The following GPC6 variants were observed in gnomAD, a reference collection of about 807,000 sequenced individuals.
GPC6 encodes the protein glypican 6, also known as glypican-6.
In GPC6, 14 loss-of-function variants were observed where a neutral mutation model predicts 55.2. That is an observed-to-expected ratio of 0.25 (90% CI 0.17 to 0.40). The LOEUF (loss-of-function observed/expected upper bound fraction) is 0.40, where lower values mean the gene tolerates loss of function less well. GPC6 is among the 10% of genes least tolerant of loss of function. GPC6 has a pLI of 1.00. For missense variants in GPC6, 641 were observed against 708.5 expected (o/e 0.90, Z 1.08); for synonymous variants, 278 against 259.6 (o/e 1.07, Z -0.68).
chr13:93,633,949 C>T (rs1594328741), intron 2 of GPC6, among the ~76,000 whole-genome samples: 2 of 151,988 alleles, frequency 1.3e-5, no homozygotes. Flanking sequence ...CATATGTTTC[C>T]CACTGCTTTC....
intron 3 of GPC6, among the ~76,000 whole-genome samples, chr13:93,868,425 A>T (rs931791268): frequency 2.6e-5 from 4 of 151,884 alleles, no homozygotes; most frequent in African/African-American, 9.7e-5. Context: ...GATACAGAAT[A>T]AAATTATAAA....
intron 4 of GPC6, among the ~76,000 whole-genome samples, chr13:94,226,522 A>G (rs1481906224): frequency 2.6e-5 from 4 of 152,174 alleles, no homozygotes; most frequent in African/African-American, 9.7e-5. Context: ...CATGTATTAA[A>G]ACATTACACT....
At chr13:93,534,338 A>G (rs1881973234) in intron 1 of GPC6, among the ~76,000 whole-genome samples, 1 of 152,182 alleles carries the variant, frequency 6.6e-6, no homozygotes, top group South Asian at 2.1e-4. Context: ...GCTCTATAAA[A>G]GCCAAAAGTT....
rs538694732 is a variant in GPC6, at chr13:94,311,449, G to C, written c.1152+5326G>C. 3.3e-5 allele frequency among the ~76,000 whole-genome samples: 5 copies of C among 152,232 alleles called. No homozygotes were observed. The South Asian group carries it at 6.2e-4, about 19-fold the overall frequency. ...CTCCCAAAGTGCTGGGATTACAGGCGAGAGCCACTGTGTCCAGCCCTGATA... is the reference window on the plus strand; with the variant it reads ...CTCCCAAAGTGCTGGGATTACAGGCCAGAGCCACTGTGTCCAGCCCTGATA... On this transcript the variant is annotated intron_variant, in intron 6 of 8. Transcript: ENST00000377047.
chr13:93,805,256 T>C (rs1048663875), intron 2 of GPC6, among the ~76,000 whole-genome samples: 1 of 152,174 alleles, frequency 6.6e-6, no homozygotes, highest in Non-Finnish European at 1.5e-5. Context: ...TCTATACTTA[T>C]AGTTATCAAT....
chr13:93,710,932 A>G (rs561006523), intron 2 of GPC6, among the ~76,000 whole-genome samples: 105 of 151,926 alleles, frequency 6.9e-4, no homozygotes, highest in South Asian at 6.0e-3. Flanking sequence ...CATATACTCA[A>G]TGTTAAAAAT....
intron 1 of GPC6, among the ~76,000 whole-genome samples, chr13:93,381,658 C>T (rs939343049): frequency 6.6e-6 from 1 of 152,106 alleles, no homozygotes; most frequent in Non-Finnish European, 1.5e-5. Context: ...TCATAAATCA[C>T]CTAGCTCAAT....
chr13:93,494,745 C>T (rs1047457634), intron 1 of GPC6, among the ~76,000 whole-genome samples: 1 of 151,202 alleles, frequency 6.6e-6, no homozygotes, highest in African/African-American at 2.4e-5. Context: ...TCAGCATTTG[C>T]TTGTGTGTAA....
In GPC6 at chr13:93,314,754, T is replaced by TGTGCGC. The variant is rs1555290022; in HGVS notation, c.160+87142_160+87143insGCGTGC. Among the ~76,000 whole-genome samples, 15 of 149,394 alleles carry TGTGCGC rather than the reference T, an allele frequency of 1.0e-4. 1 individual carries two copies. In the South Asian group the frequency reaches 1.3e-3, roughly 13 times the overall value. Reference sequence around the variant, plus strand: ...GTGTGTGTGTGTGTGTGTGTGTGTGTGTGCACGCATGTGCTGAGAAATGAG... The same window carrying TGTGCGC: ...GTGTGTGTGTGTGTGTGTGTGTGTGTGTGCGCGTGCACGCATGTGCTGAGAAATGAG... On this transcript the variant is annotated intron_variant, in intron 1 of 8. Coordinates refer to ENST00000377047, the MANE Select transcript of GPC6 (RefSeq NM_005708.5).
At chr13:94,329,971 C>T (rs186512142) in intron 6 of GPC6, among the ~76,000 whole-genome samples, 184 of 152,254 alleles carry the variant, frequency 1.2e-3, no homozygotes, top group Non-Finnish European at 2.1e-3. Flanking sequence ...GAAGGTACTG[C>T]GCATTGCTGA....
chr13:94,115,540 C>T (rs1003820454), intron 4 of GPC6, among the ~76,000 whole-genome samples: 2 of 152,046 alleles, frequency 1.3e-5, no homozygotes, highest in Non-Finnish European at 1.5e-5. Context: ...ACTCATTGAC[C>T]CTTCCTCAGG....
intron 4 of GPC6, among the ~76,000 whole-genome samples, chr13:94,280,690 A>G (rs1892353617): frequency 6.6e-6 from 1 of 152,062 alleles, no homozygotes. Flanking sequence ...TGATTTTTTT[A>G]AATTCTTTTG....
chr13:93,583,023 AAC>A (rs1482632812), intron 2 of GPC6, among the ~76,000 whole-genome samples: 3 of 152,246 alleles, frequency 2.0e-5, no homozygotes, highest in Admixed American at 1.3e-4. Flanking sequence ...AAAAGGCTCT[AAC>A]ACAGTCTCAC....
intron 4 of GPC6, among the ~76,000 whole-genome samples, chr13:94,054,555 C>A (rs1566343728): frequency 6.6e-6 from 1 of 152,172 alleles, no homozygotes; most frequent in Non-Finnish European, 1.5e-5. Context: ...CCTTTTGACA[C>A]CTCCTGGCGG....
At chr13:94,288,885 A>AATATATATAACAAATATATATATTTGTT (rs1874741208) in intron 5 of GPC6, among the ~76,000 whole-genome samples, 10 of 33,392 alleles carry the variant, frequency 3.0e-4, no homozygotes, top group Admixed American at 4.9e-4. Context: ...ATATATAACT[A>AATATATATAACAAATATATATATTTGTT]ATATATATAA....
chr13:94,197,815 T>C (rs973352637), intron 4 of GPC6, among the ~76,000 whole-genome samples: 1 of 152,136 alleles, frequency 6.6e-6, no homozygotes, highest in Non-Finnish European at 1.5e-5. Context: ...CAAATATACA[T>C]TTAGCATCAA....
intron 3 of GPC6, among the ~76,000 whole-genome samples, chr13:93,863,032 C>T (rs1048310032): frequency 3.3e-5 from 5 of 151,550 alleles, no homozygotes; most frequent in African/African-American, 1.2e-4. Flanking sequence ...AGGATATGTC[C>T]CTTCCAGTTT....
intron 3 of GPC6, among the ~76,000 whole-genome samples, chr13:93,853,655 C>G (rs796277845): frequency 6.6e-6 from 1 of 151,732 alleles, no homozygotes; most frequent in South Asian, 2.1e-4. Flanking sequence ...TCCCTTTAAA[C>G]TCACATGGTG....
At chr13:93,572,923 C>A (rs1876476446) in intron 2 of GPC6, among the ~76,000 whole-genome samples, 1 of 152,000 alleles carries the variant, frequency 6.6e-6, no homozygotes. Context: ...AGAGAGCCCA[C>A]AACATTAGAA....
Sources: gnomAD v4.1 joint callset for allele counts (sites outside exome capture counted in the v4.1 genomes callset) on GRCh38, gnomAD v4.1.1 for gene constraint, MANE v1.5 for transcripts, NCBI Gene and HGNC (gene_info 2026-07-23, HGNC 2026-07-21) for gene names.